EEPD1: variants seen among roughly 807,000 people sequenced by gnomAD.
EEPD1 encodes the protein endonuclease/exonuclease/phosphatase family domain-containing protein 1.
A neutral mutation model predicts 46.3 loss-of-function variants in EEPD1; 17 were observed. The ratio of observed to expected loss-of-function variants is 0.37; its 90% CI spans 0.25 to 0.55. The LOEUF is 0.55. Ranked by LOEUF, EEPD1 falls within the 20% of genes least tolerant of loss-of-function variation. The probability of loss-of-function intolerance (pLI) is 0.83; values close to 1 mark genes in which losing one functional copy is unlikely to be tolerated. For synonymous variants in EEPD1, 313 were observed against 315.6 expected (o/e 0.99, Z 0.09); for missense variants, 673 against 745.6 (o/e 0.90, Z 1.13).
rs141752369 is a variant in EEPD1 at position 36,212,038 on chromosome 7, A to G, written c.879-26947A>G. The stretch of plus-strand genomic sequence containing the variant: ...GAAAAAAATGTTTAAAGCCTGTAAT[A>G]TAGAAATTACTTACATAAATCTAAA... On this transcript the variant is annotated intron_variant, in intron 2 of 7. Coordinates refer to ENST00000242108, the MANE Select transcript of EEPD1 (RefSeq NM_030636.3). 2.2e-3 allele frequency among the ~76,000 whole-genome samples: 330 copies of G among 152,360 alleles called. 1 individual carries two copies. Among genetic ancestry groups the G allele is most frequent in the African/African-American group, 7.7e-3 (321 of 41,592 alleles).
chr7:36,246,251 A>ATAAT (rs1348492152), intron 3 of EEPD1, among the ~76,000 whole-genome samples: 7 of 152,150 alleles, frequency 4.6e-5, no homozygotes, highest in African/African-American at 1.7e-4. Context: ...TGACTCTGTT[A>ATAAT]TAATTACAAG....
chr7:36,191,358 A>G (rs966784294), intron 2 of EEPD1, among the ~76,000 whole-genome samples: 1 of 152,232 alleles, frequency 6.6e-6, no homozygotes, highest in Admixed American at 6.5e-5. Context: ...TGGACAGATA[A>G]GCATGGAGGA....
At chr7:36,237,488 A>G (rs1280057911) in intron 2 of EEPD1, among the ~76,000 whole-genome samples, 3 of 151,776 alleles carry the variant, frequency 2.0e-5, no homozygotes, top group Admixed American at 6.6e-5. Context: ...TTTAAACAAT[A>G]CCTCTCCATT....
At chr7:36,204,350 A>G (rs1172221742) in intron 2 of EEPD1, among the ~76,000 whole-genome samples, 1 of 152,168 alleles carries the variant, frequency 6.6e-6, no homozygotes, top group Non-Finnish European at 1.5e-5. Flanking sequence ...ATGCCCTTTT[A>G]AGTAGCATTT....
In EEPD1 at chr7:36,197,060, C is replaced by T. The variant is rs1464131344; in HGVS notation, c.878+41858C>T. Among the ~76,000 whole-genome samples the T allele has an allele frequency of 1.1e-4, 16 of 150,414 alleles. No homozygotes were observed. In the South Asian group the frequency reaches 1.5e-3, roughly 14 times the overall value. ...GATGTGAGGAGCGCCTCGGCCCGGC[C>T]ACGACCCCGTCTGGGAGGTGAGGAG... On this transcript the variant is annotated intron_variant, in intron 2 of 7. Transcript: ENST00000242108.
chr7:36,276,965 T>C (rs1454140180), intron 3 of EEPD1, among the ~76,000 whole-genome samples: 1 of 152,270 alleles, frequency 6.6e-6, no homozygotes, highest in East Asian at 1.9e-4. Context: ...TTTTGACCTT[T>C]CTGCCCTGGT....
intron 2 of EEPD1, among the ~76,000 whole-genome samples, chr7:36,195,319 C>T (rs1284039008): frequency 1.3e-5 from 2 of 152,174 alleles, no homozygotes; most frequent in South Asian, 4.1e-4. Context: ...CAGAGCAGCC[C>T]AGTGGATGGA....
chr7:36,291,262 C>T (rs965658885), intron 6 of EEPD1, among the ~76,000 whole-genome samples: 1 of 152,210 alleles, frequency 6.6e-6, no homozygotes. Flanking sequence ...ATTTGTGGTT[C>T]CGCTTGTCTG....
rs145564516 is a variant in EEPD1, at chr7:36,227,126, A to G, written c.879-11859A>G. Among the ~76,000 whole-genome samples, 957 of 152,320 alleles carry G rather than the reference A, an allele frequency of 6.3e-3. 5 individuals are homozygous for G. The highest frequency in any genetic ancestry group is 0.022 in the African/African-American group (897 of 41,582). ...GGTGATTATTAAGTTTAAAGTGATT[A>G]CTTGTATAATTTTGTGCTCAAAATT... On this transcript the variant is annotated intron_variant, in intron 2 of 7. Transcript: ENST00000242108.
At chr7:36,250,807 G>T (rs1303253828) in intron 3 of EEPD1, among the ~76,000 whole-genome samples, 1 of 152,134 alleles carries the variant, frequency 6.6e-6, no homozygotes, top group Non-Finnish European at 1.5e-5. Flanking sequence ...CATTCAGGAG[G>T]TCCCAGCACT....
intron 4 of EEPD1, among the ~76,000 whole-genome samples, chr7:36,283,990 C>T (rs929604147): frequency 4.6e-5 from 7 of 152,200 alleles, no homozygotes; most frequent in East Asian, 1.9e-4. Context: ...CCCCCAGTGG[C>T]GGCGGCAGCA....
chr7:36,166,047 CCTT>C (rs1784977386), intron 2 of EEPD1, among the ~76,000 whole-genome samples: 1 of 152,214 alleles, frequency 6.6e-6, no homozygotes, highest in Admixed American at 6.5e-5. Context: ...CTTATAAATA[CCTT>C]TCCAAGTTCA....
At chr7:36,229,404 GAGAA>G (rs1786280807) in intron 2 of EEPD1, 1 of 152,350 alleles carries the variant, frequency 6.6e-6, no homozygotes, top group Non-Finnish European at 1.5e-5. Context: ...AGGAAAGAGA[GAGAA>G]AGAGAATGTG....
At chr7:36,210,013 G>A (rs1038481592) in intron 2 of EEPD1, among the ~76,000 whole-genome samples, 10 of 152,114 alleles carry the variant, frequency 6.6e-5, no homozygotes, top group Non-Finnish European at 1.5e-4. Flanking sequence ...AGGAGGTCTC[G>A]GGGGAGGATG....
chr7:36,295,238 G>T (rs1339196992), intron 6 of EEPD1, among the ~76,000 whole-genome samples: 2 of 151,794 alleles, frequency 1.3e-5, no homozygotes, highest in Admixed American at 1.3e-4. Flanking sequence ...TGTCGTGTCA[G>T]AAGGAAGTGC....
rs1054145401 is a variant in EEPD1 at position 36,235,250 on chromosome 7, C to T, written c.879-3735C>T. 4.6e-5 allele frequency among the ~76,000 whole-genome samples: 7 copies of T among 152,260 alleles called. No individual in the cohort carries two copies. The South Asian group carries it at 1.2e-3, about 27-fold the overall frequency. The stretch of plus-strand genomic sequence containing the variant: ...CAGGCCTCCCCCACAGCATCGACCA[C>T]CTGCTCATTGTGTCCATGAACACTT... On this transcript the variant is annotated intron_variant, in intron 2 of 7. Coordinates refer to ENST00000242108, the MANE Select transcript of EEPD1 (RefSeq NM_030636.3).
chr7:36,231,847 C>T (rs977554469), intron 2 of EEPD1, among the ~76,000 whole-genome samples: 4 of 152,152 alleles, frequency 2.6e-5, no homozygotes, highest in African/African-American at 9.7e-5. Flanking sequence ...TCTGAAATTT[C>T]CTCCCAGGGA....
At chr7:36,230,246 C>T (rs1165362549) in intron 2 of EEPD1, among the ~76,000 whole-genome samples, 1 of 152,026 alleles carries the variant, frequency 6.6e-6, no homozygotes, top group East Asian at 1.9e-4. Flanking sequence ...GTCTCTCTAC[C>T]TCCAGCATTG....
chr7:36,160,680 G>GGGA lies in EEPD1; in HGVS notation c.878+5480_878+5481insAGG, dbSNP rs72223265. On this transcript the variant is annotated intron_variant, in intron 2 of 7. Transcript: ENST00000242108. ...AGTCTGACTGCTGGGAGGTGGTGGG[G>GGGA]GGCGGGGCGTGCATGGAGAGGGTCC... is the stretch of plus-strand genomic sequence containing the variant. Among the ~76,000 whole-genome samples the GGGA allele has an allele frequency of 2.5e-5, 3 of 118,768 alleles. No individual in the cohort carries two copies. The South Asian group carries it at 7.6e-4, about 30-fold the overall frequency. 77.9% of individuals were successfully genotyped at this position (118,768 alleles called of 152,430 possible). A position where few individuals can be genotyped will look rare whatever the true frequency, so the allele number is the denominator to read the frequency against.
Sources: allele counts gnomAD v4.1 joint callset (sites outside exome capture counted in the v4.1 genomes callset), GRCh38; gene constraint gnomAD v4.1.1; transcripts MANE v1.5; gene names NCBI Gene and HGNC (gene_info 2026-07-23, HGNC 2026-07-21).